KCNQ5: variants seen among roughly 807,000 people sequenced by gnomAD.
The protein encoded by KCNQ5 is potassium voltage-gated channel subfamily Q member 5.
A neutral mutation model predicts 98.2 loss-of-function variants in KCNQ5; 30 were observed. The ratio of observed to expected loss-of-function variants is 0.31; its 90% CI spans 0.23 to 0.41. The LOEUF (loss-of-function observed/expected upper bound fraction) is 0.41, where lower values mean the gene tolerates loss of function less well. Ranked by LOEUF, KCNQ5 falls within the 10% of genes least tolerant of loss-of-function variation. The pLI is 1.00. For missense variants in KCNQ5, 835 were observed against 1,182.5 expected (o/e 0.71, Z 4.31); for synonymous variants, 458 against 449.4 (o/e 1.02, Z -0.24).
At chr6:73,131,275 G>A (rs1375400996) in intron 9 of KCNQ5, among the ~76,000 whole-genome samples, 2 of 151,904 alleles carry the variant, frequency 1.3e-5, no homozygotes, top group Admixed American at 6.6e-5. Context: ...TTCATATTAA[G>A]TGTTTTTATG....
rs146917440 is a variant in KCNQ5 at position 72,727,436 on chromosome 6, G to A, written c.398+104849G>A. ...GTTTTCACATGAAAATTCAATGATG[G>A]CATTTATGTACTCAGTGCCCATCCC... is the stretch of plus-strand genomic sequence containing the variant. On this transcript the variant is annotated intron_variant, in intron 1 of 13. Coordinates refer to ENST00000370398, the MANE Select transcript of KCNQ5 (RefSeq NM_019842.4). Among the ~76,000 whole-genome samples the A allele has an allele frequency of 3.7e-3, 559 of 152,134 alleles. 2 individuals are homozygous for A. Among genetic ancestry groups the A allele is most frequent in the South Asian group, 0.011 (54 of 4,802 alleles).
intron 1 of KCNQ5, among the ~76,000 whole-genome samples, chr6:72,957,715 G>A (rs867516579): frequency 6.6e-6 from 1 of 152,074 alleles, no homozygotes; most frequent in African/African-American, 2.4e-5. Context: ...ATAGCATCGG[G>A]AGCTTAAGGA....
At chr6:72,666,204 G>C (rs968106446) in intron 1 of KCNQ5, among the ~76,000 whole-genome samples, 2 of 126,866 alleles carry the variant, frequency 1.6e-5, no homozygotes, top group Non-Finnish European at 3.8e-5. Flanking sequence ...TCATTTTTCA[G>C]AGGTAAATAA....
In KCNQ5 at chr6:72,748,227, C is replaced by A. The variant is rs1363968106; in HGVS notation, c.398+125640C>A. 4.0e-5 allele frequency among the ~76,000 whole-genome samples: 6 copies of A among 151,702 alleles called. No homozygotes were observed. The East Asian group carries it at 1.2e-3, about 29-fold the overall frequency. ...TTTAATTCCAACCTGTTCTTAAATG[C>A]AAATACAAAAACTAGAGAAAGAGAT... is the stretch of plus-strand genomic sequence containing the variant. On this transcript the variant is annotated intron_variant, in intron 1 of 13. Coordinates refer to ENST00000370398, the MANE Select transcript of KCNQ5 (RefSeq NM_019842.4).
intron 3 of KCNQ5, among the ~76,000 whole-genome samples, chr6:73,048,439 G>T (rs1772068924): frequency 6.6e-6 from 1 of 152,162 alleles, no homozygotes. Flanking sequence ...GACAGGCAGA[G>T]GTCACACCCT....
At chr6:72,793,730 T>C (rs1047643693) in intron 1 of KCNQ5, among the ~76,000 whole-genome samples, 2 of 152,212 alleles carry the variant, frequency 1.3e-5, no homozygotes, top group African/African-American at 4.8e-5. Context: ...TGCGCACACA[T>C]GTGCCCTTCA....
intron 7 of KCNQ5, among the ~76,000 whole-genome samples, chr6:73,111,656 C>A (rs1413053086): frequency 6.6e-6 from 1 of 152,158 alleles, no homozygotes; most frequent in Non-Finnish European, 1.5e-5. Flanking sequence ...GTCAGCAAGG[C>A]CATGCAAAGG....
chr6:72,812,180 T>C (rs189705991), intron 1 of KCNQ5, among the ~76,000 whole-genome samples: 1 of 152,330 alleles, frequency 6.6e-6, no homozygotes, highest in African/African-American at 2.4e-5. Flanking sequence ...GCTTCTTTAT[T>C]ACATCCTGTT....
chr6:72,657,050 A>G (rs554026586), intron 1 of KCNQ5, among the ~76,000 whole-genome samples: 25 of 152,284 alleles, frequency 1.6e-4, no homozygotes, highest in Admixed American at 5.2e-4. Flanking sequence ...AAAAATAAAA[A>G]ATAGAAAACA....
At chr6:72,809,816 C>G (rs1398046333) in intron 1 of KCNQ5, among the ~76,000 whole-genome samples, 1 of 152,206 alleles carries the variant, frequency 6.6e-6, no homozygotes, top group Non-Finnish European at 1.5e-5. Context: ...CTAAAGTTCA[C>G]AGATGTGCCC....
chr6:72,922,810 C>CTTTTTCTTTTTTTTTTTTTT (rs1554186016), intron 1 of KCNQ5, among the ~76,000 whole-genome samples: 14 of 103,828 alleles, frequency 1.3e-4, no homozygotes, highest in Non-Finnish European at 2.5e-4. Flanking sequence ...TTTTCTTTTT[C>CTTTTTCTTTTTTTTTTTTTT]TTTTTTTTTT....
Position 73,096,391 on chromosome 6 carries a change from C to G in KCNQ5, c.919-8866C>G, listed in dbSNP as rs1173739546. On this transcript the variant is annotated intron_variant, in intron 5 of 13. Coordinates refer to ENST00000370398, the MANE Select transcript of KCNQ5 (RefSeq NM_019842.4). ...CTGATGAATAGCAAGGCAGGAGGGG[C>G]AGAAGCAGAATGAGAGAGAGCATGG... 3.5e-5 allele frequency among the ~76,000 whole-genome samples: 5 copies of G among 142,922 alleles called. No individual in the cohort carries two copies. The Admixed American group carries it at 3.5e-4, about 10-fold the overall frequency. 93.8% of individuals were successfully genotyped at this position (142,922 alleles called of 152,430 possible).
intron 10 of KCNQ5, chr6:73,158,049 G>A (rs569648290): frequency 3.1e-6 from 2 of 643,212 alleles, no homozygotes; most frequent in Admixed American, 2.0e-5. Flanking sequence ...GATAGTGTCC[G>A]GACCTCCTCT....
chr6:72,848,189 CCA>C (rs199737335), intron 1 of KCNQ5, among the ~76,000 whole-genome samples: 2,577 of 124,230 alleles, frequency 0.021, 42 homozygotes, highest in Non-Finnish European at 0.028. Context: ...CTCAGGACAG[CCA>C]TTTTTTTTTT....
At chr6:72,780,912 C>G (rs1773431845) in intron 1 of KCNQ5, among the ~76,000 whole-genome samples, 1 of 152,036 alleles carries the variant, frequency 6.6e-6, no homozygotes, top group South Asian at 2.1e-4. Flanking sequence ...AAAGAATGAG[C>G]CCCAGGTTTC....
At chr6:73,132,324 A>G (rs1415997254) in intron 9 of KCNQ5, among the ~76,000 whole-genome samples, 2 of 152,166 alleles carry the variant, frequency 1.3e-5, no homozygotes, top group Non-Finnish European at 2.9e-5. Flanking sequence ...CAGGCCCTGC[A>G]GAGTCCTGGG....
intron 1 of KCNQ5, among the ~76,000 whole-genome samples, chr6:72,902,146 C>T (rs182235211): frequency 2.6e-5 from 4 of 152,196 alleles, no homozygotes; most frequent in African/African-American, 4.8e-5. Flanking sequence ...TCAGCTTGGT[C>T]GCTGTTGGTA....
At position 72,622,425 on chromosome 6, in the gene KCNQ5, G is replaced by C; in HGVS notation, c.236G>C (p.Arg79Pro). The change falls in exon 1 of 14, where the codon CGC becomes CCC. Residue 79 changes from arginine to proline, a missense_variant. Physicochemically the swap from Arg to Pro is moderately radical, Grantham distance 103. Transcript: ENST00000370398. This position sits in a 1 kb window ranked among gnomAD's most constrained non-coding sequence, Gnocchi z 6.0. ...GGGGGGLRES[R>P]RGKQGARMSL... ...GGCGGCGGTGGCCTGAGGGAGAGCC[G>C]CCGGGGCAAGCAGGGGGCCCGGATG... 6.5e-7 allele frequency: 1 copy of C among 1,539,226 alleles called. No homozygotes were observed. The highest frequency in any genetic ancestry group is 8.8e-7 in the Non-Finnish European group (1 of 1,142,418).
At chr6:72,765,309 G>T (rs544905960) in intron 1 of KCNQ5, among the ~76,000 whole-genome samples, 2 of 151,974 alleles carry the variant, frequency 1.3e-5, no homozygotes, top group South Asian at 4.1e-4. Flanking sequence ...TCTGGTTGTG[G>T]GGGAACAGTG....
Sources: allele counts gnomAD v4.1 joint callset (sites outside exome capture counted in the v4.1 genomes callset), GRCh38; gene constraint gnomAD v4.1.1; non-coding constraint Gnocchi (gnomAD v3.1); transcripts MANE v1.5; gene names NCBI Gene and HGNC (gene_info 2026-07-23, HGNC 2026-07-21).